PITPNC1: variants seen among roughly 807,000 people sequenced by gnomAD.
PITPNC1 encodes the protein cytoplasmic phosphatidylinositol transfer protein 1.
In PITPNC1, 18 loss-of-function variants were observed where a neutral mutation model predicts 44.7. That is an observed-to-expected ratio of 0.40 (90% CI 0.28 to 0.60). The LOEUF is 0.60. PITPNC1 is among the 20% of genes least tolerant of loss of function. The pLI is 0.39. For synonymous variants in PITPNC1, 141 were observed against 149.6 expected (o/e 0.94, Z 0.42); for missense variants, 290 against 418.4 (o/e 0.69, Z 2.68).
At chr17:67,480,040 G>T (rs1367206873) in intron 1 of PITPNC1, among the ~76,000 whole-genome samples, 1 of 152,180 alleles carries the variant, frequency 6.6e-6, no homozygotes, top group African/African-American at 2.4e-5. Flanking sequence ...GTAGATCAAG[G>T]TTTGTCAGCA....
intron 5 of PITPNC1, among the ~76,000 whole-genome samples, chr17:67,626,080 G>A (rs969268820): frequency 6.6e-5 from 10 of 151,386 alleles, no homozygotes; most frequent in Admixed American, 3.3e-4. Flanking sequence ...TCTGCCTCTC[G>A]GCTCAAGAGA....
chr17:67,408,842 G>A (rs993485545), intron 1 of PITPNC1: 1 of 151,904 alleles, frequency 6.6e-6, no homozygotes, highest in Non-Finnish European at 1.5e-5. Context: ...AACTCAATGT[G>A]AACAATCAAT....
intron 4 of PITPNC1, among the ~76,000 whole-genome samples, chr17:67,566,843 A>G (rs1465286482): frequency 6.6e-6 from 1 of 152,136 alleles, no homozygotes; most frequent in Non-Finnish European, 1.5e-5. Context: ...ATTTCCTGAT[A>G]CTTAAGAATC....
chr17:67,379,768 A>G (rs2037929654), intron 1 of PITPNC1, among the ~76,000 whole-genome samples: 2 of 152,218 alleles, frequency 1.3e-5, no homozygotes, highest in Admixed American at 1.3e-4. Flanking sequence ...CCTCTACTCC[A>G]TATCCTAATG....
In PITPNC1 at chr17:67,587,324, CA is replaced by C. The variant is rs530075213; in HGVS notation, c.366+9082del. Among the ~76,000 whole-genome samples, 1,007 of 102,968 alleles carry C rather than the reference CA, an allele frequency of 9.8e-3. 8 individuals are homozygous for C. Among genetic ancestry groups the C allele is most frequent in the African/African-American group, 0.023 (640 of 27,858 alleles). 67.6% of individuals were successfully genotyped at this position (102,968 alleles called of 152,430 possible). ...CAACATGTTGAGACCCCCATCTCTA[CA>C]AAAAAAAAAAAAAATTTAATTAGCT... is the stretch of plus-strand genomic sequence containing the variant. On this transcript the variant is annotated intron_variant, in intron 5 of 8. Coordinates refer to ENST00000581322, the MANE Select transcript of PITPNC1 (RefSeq NM_012417.4).
chr17:67,426,712 G>A (rs935568874), intron 1 of PITPNC1, among the ~76,000 whole-genome samples: 3 of 140,044 alleles, frequency 2.1e-5, no homozygotes, highest in Admixed American at 1.5e-4. Flanking sequence ...TTCTGCACAT[G>A]TATCCCAGAA....
At chr17:67,381,604 C>G (rs1204857365) in intron 1 of PITPNC1, among the ~76,000 whole-genome samples, 1 of 151,812 alleles carries the variant, frequency 6.6e-6, no homozygotes, top group Non-Finnish European at 1.5e-5. Flanking sequence ...GTAGCTGGGA[C>G]TACAGGCGCC....
At chr17:67,443,001 G>A (rs919688290) in intron 1 of PITPNC1, among the ~76,000 whole-genome samples, 4 of 152,056 alleles carry the variant, frequency 2.6e-5, no homozygotes, top group Non-Finnish European at 2.9e-5. Context: ...CGCGGGCTCT[G>A]ACCTACACAG....
At chr17:67,396,368 T>TTTTC (rs1188003024) in intron 1 of PITPNC1, among the ~76,000 whole-genome samples, 1 of 152,154 alleles carries the variant, frequency 6.6e-6, no homozygotes, top group East Asian at 1.9e-4. Context: ...TTATTTTTAT[T>TTTTC]TTTCTTTCTT....
At chr17:67,436,916 T>G (rs112185295) in intron 1 of PITPNC1, among the ~76,000 whole-genome samples, 5 of 122,136 alleles carry the variant, frequency 4.1e-5, no homozygotes, top group African/African-American at 9.6e-5. Flanking sequence ...GTGTTTTTTT[T>G]TTTTTTTTTT....
At position 67,631,050 on chromosome 17, in the gene PITPNC1, GTTGTTATTATTATTATTATTA is replaced by G. The variant is rs1219346016; in HGVS notation, c.367-1090_367-1070del. 2.2e-5 allele frequency among the ~76,000 whole-genome samples: 3 copies of G among 134,424 alleles called. No individual in the cohort carries two copies. In the East Asian group the frequency reaches 6.6e-4, roughly 30 times the overall value. The allele number at this position is 134,424 out of a possible 152,430, so 88.2% of individuals were successfully genotyped here. A position where few individuals can be genotyped will look rare whatever the true frequency, so the allele number is the denominator to read the frequency against. On this transcript the variant is annotated intron_variant, in intron 5 of 8. Transcript: ENST00000581322. ...TATATATTGCGGCTGTGTTGTTGTT[GTTGTTATTATTATTATTATTA>G]TTATTATTATTATTATTATTATTAT...
intron 1 of PITPNC1, among the ~76,000 whole-genome samples, chr17:67,458,712 A>G (rs1165325335): frequency 6.6e-6 from 1 of 152,082 alleles, no homozygotes; most frequent in Non-Finnish European, 1.5e-5. Context: ...CTTATGGTGT[A>G]TTCTAATTTT....
intron 1 of PITPNC1, among the ~76,000 whole-genome samples, chr17:67,456,257 GT>G (rs1567996748): frequency 6.6e-6 from 1 of 152,050 alleles, no homozygotes; most frequent in African/African-American, 2.4e-5. Context: ...TCTGGTACAT[GT>G]TTTCTAATGT....
At chr17:67,580,891 T>TA (rs2041222106) in intron 5 of PITPNC1, among the ~76,000 whole-genome samples, 1 of 151,972 alleles carries the variant, frequency 6.6e-6, no homozygotes, top group South Asian at 2.1e-4. Flanking sequence ...TCTGCAAAAT[T>TA]AAAAAATTAG....
chr17:67,599,396 G>T (rs1176348132), intron 5 of PITPNC1, among the ~76,000 whole-genome samples: 1 of 152,048 alleles, frequency 6.6e-6, no homozygotes. Context: ...GAGAACAGAG[G>T]ATATTACCCA....
intron 1 of PITPNC1, among the ~76,000 whole-genome samples, chr17:67,386,950 G>A (rs2038063306): frequency 1.3e-5 from 2 of 152,138 alleles, no homozygotes; most frequent in African/African-American, 2.4e-5. Flanking sequence ...ATTCCCAAGT[G>A]AAGATTTTTC....
At chr17:67,523,733 GA>G (rs1302560421) in intron 1 of PITPNC1, among the ~76,000 whole-genome samples, 3 of 151,204 alleles carry the variant, frequency 2.0e-5, no homozygotes, top group African/African-American at 4.9e-5. Context: ...CAGTCCTCAG[GA>G]AGGGAGGGCC....
chr17:67,649,020 G>C (rs2042181248), intron 6 of PITPNC1, among the ~76,000 whole-genome samples: 1 of 152,166 alleles, frequency 6.6e-6, no homozygotes, highest in Admixed American at 6.6e-5. Context: ...TGGGCCCAGT[G>C]GCACATGCCT....
rs1244241106 is a variant in PITPNC1 at position 67,597,773 on chromosome 17, T to G, written c.366+19516T>G. ...GACAGGTACTCTCATTGCAAGGCAG[T>G]GGGGTAGGCTCTATGGAGAACACAT... On this transcript the variant is annotated intron_variant, in intron 5 of 8. Coordinates refer to ENST00000581322, the MANE Select transcript of PITPNC1 (RefSeq NM_012417.4). This position sits in a 1 kb window ranked among gnomAD's most constrained non-coding sequence, Gnocchi z 4.0. Among the ~76,000 whole-genome samples the G allele has an allele frequency of 1.3e-5, 2 of 152,044 alleles. No homozygotes were observed. Among genetic ancestry groups the G allele is most frequent in the Non-Finnish European group, 2.9e-5 (2 of 68,000 alleles).
Sources: allele counts gnomAD v4.1 joint callset (sites outside exome capture counted in the v4.1 genomes callset), GRCh38; gene constraint gnomAD v4.1.1; non-coding constraint Gnocchi (gnomAD v3.1); transcripts MANE v1.5; gene names NCBI Gene and HGNC (gene_info 2026-07-23, HGNC 2026-07-21).